ANKRD17: variants seen among roughly 807,000 people sequenced by gnomAD.
ANKRD17 encodes ankyrin repeat domain 17.
A neutral mutation model predicts 229.7 loss-of-function variants in ANKRD17; 19 were observed. That is an observed-to-expected ratio of 0.08 (90% CI 0.06 to 0.12). The LOEUF is 0.12. ANKRD17 is among the 10% of genes least tolerant of loss of function. The pLI is 1.00. For missense variants in ANKRD17, 2,176 were observed against 3,176.8 expected (o/e 0.68, Z 7.57); for synonymous variants, 1,112 against 1,146.1 (o/e 0.97, Z 0.60).
At chr4:73,227,127 A>G (rs1169713338) in intron 1 of ANKRD17, among the ~76,000 whole-genome samples, 4 of 152,112 alleles carry the variant, frequency 2.6e-5, no homozygotes, top group African/African-American at 9.7e-5. Context: ...AAAACCTGTC[A>G]TCCTAAAAAC....
chr4:73,182,712 G>A lies in ANKRD17; in HGVS notation c.394-5179C>T, dbSNP rs370493134. Among the ~76,000 whole-genome samples the A allele has an allele frequency of 2.8e-4, 42 of 152,242 alleles. 2 individuals carry two copies. The South Asian group carries it at 8.1e-3, about 29-fold the overall frequency. On this transcript the variant is annotated intron_variant, in intron 1 of 33. Coordinates refer to ENST00000358602, the MANE Select transcript of ANKRD17 (RefSeq NM_032217.5). ...AAACAATAATCTACTAGAACTTTTAGACGTGTAAATAACTTCCAGTACATG... is the reference window on the plus strand; with the variant it reads ...AAACAATAATCTACTAGAACTTTTAAACGTGTAAATAACTTCCAGTACATG...
intron 27 of ANKRD17, among the ~76,000 whole-genome samples, chr4:73,095,098 C>A (rs767156242): frequency 6.6e-6 from 1 of 150,896 alleles, no homozygotes; most frequent in East Asian, 2.0e-4. Context: ...CACTTGAATC[C>A]GGGAGATGGA....
At chr4:73,084,592 G>A (rs911165699) in intron 30 of ANKRD17, among the ~76,000 whole-genome samples, 2 of 151,916 alleles carry the variant, frequency 1.3e-5, no homozygotes, top group African/African-American at 4.8e-5. Context: ...GGGATCACAG[G>A]TGCACACCAC....
In ANKRD17 at chr4:73,091,688, C is replaced by A. The variant is rs1264503853; in HGVS notation, c.5940G>T (p.Val1980=). 3 of 1,614,046 alleles carry A rather than the reference C, an allele frequency of 1.9e-6. No homozygotes were observed. Among genetic ancestry groups the A allele is most frequent in the East Asian group, 4.5e-5 (2 of 44,898 alleles). Residue 1980 remains valine (V), a synonymous_variant, in exon 29 of 34, where the codon GTG becomes GTT. Coordinates refer to ENST00000358602, the MANE Select transcript of ANKRD17 (RefSeq NM_032217.5). ...TTTTSSSAST[V]PGTSTNGSPS... ...GACTGCCATTTGTAGATGTACCAGG[C>A]ACCGTTGAAGCTGATGAACTGGTTG...
chr4:73,137,294 T>C (rs963568901), intron 15 of ANKRD17, among the ~76,000 whole-genome samples: 4 of 152,142 alleles, frequency 2.6e-5, no homozygotes, highest in African/African-American at 7.2e-5. Context: ...CTTGAAATGA[T>C]AGCAAAGGCA....
chr4:73,204,169 A>G (rs949502181), intron 1 of ANKRD17, among the ~76,000 whole-genome samples: 4 of 151,950 alleles, frequency 2.6e-5, no homozygotes, highest in Non-Finnish European at 5.9e-5. Flanking sequence ...CCATCCTGGT[A>G]ACACAGTGAA....
intron 1 of ANKRD17, among the ~76,000 whole-genome samples, chr4:73,222,151 G>GA (rs1268792333): frequency 6.6e-6 from 1 of 151,932 alleles, no homozygotes; most frequent in East Asian, 1.9e-4. Flanking sequence ...GGAAAAAAAA[G>GA]AAAAACCCTA....
At chr4:73,141,306 G>C (rs558405314) in intron 14 of ANKRD17, among the ~76,000 whole-genome samples, 16 of 152,300 alleles carry the variant, frequency 1.1e-4, no homozygotes, top group African/African-American at 3.6e-4. Flanking sequence ...TATTGGTTGA[G>C]AAAAGGTATC....
chr4:73,248,633 C>T lies in ANKRD17; in HGVS notation c.393+9643G>A, dbSNP rs77074711. On this transcript the variant is annotated intron_variant, in intron 1 of 33. Transcript: ENST00000358602. ...CATAGCTAATAAGATTAGATAATAGCTAATAATCACGTGGAAAACTGAATT... is the reference window on the plus strand; with the variant it reads ...CATAGCTAATAAGATTAGATAATAGTTAATAATCACGTGGAAAACTGAATT... 1.7e-3 allele frequency among the ~76,000 whole-genome samples: 261 copies of T among 151,884 alleles called. 1 individual carries two copies. The highest frequency in any genetic ancestry group is 6.0e-3 in the African/African-American group (249 of 41,466).
At chr4:73,237,993 C>T (rs1203732727) in intron 1 of ANKRD17, among the ~76,000 whole-genome samples, 2 of 150,308 alleles carry the variant, frequency 1.3e-5, no homozygotes, top group Non-Finnish European at 3.0e-5. Flanking sequence ...CCAAAATGTA[C>T]AATTAGAACT....
Position 73,077,114 on chromosome 4 carries a change from G to A in ANKRD17, c.7588-10C>T. 2 of 1,552,160 alleles carry A rather than the reference G, an allele frequency of 1.3e-6. No individual in the cohort carries two copies. Among genetic ancestry groups the A allele is most frequent in the Non-Finnish European group, 1.7e-6 (2 of 1,151,224 alleles). Reference sequence around the variant, plus strand: ...CAGAAAAAGGCATACCCTTAAAAAAGGAAAACACACACATTAACATCCAAG... The same window carrying A: ...CAGAAAAAGGCATACCCTTAAAAAAAGAAAACACACACATTAACATCCAAG... On this transcript the variant is annotated splice_polypyrimidine_tract_variant and intron_variant, in intron 32 of 33. Coordinates refer to ENST00000358602, the MANE Select transcript of ANKRD17 (RefSeq NM_032217.5).
At chr4:73,146,930 G>A in intron 9 of ANKRD17, 57 bp from the exon 10 acceptor site, 2 of 1,415,842 alleles carry the variant, frequency 1.4e-6, no homozygotes, top group East Asian at 2.3e-5. Flanking sequence ...AGACATATAT[G>A]ACGAAAATAA....
intron 18 of ANKRD17, among the ~76,000 whole-genome samples, chr4:73,122,932 A>C (rs964713041): frequency 6.6e-6 from 1 of 152,056 alleles, no homozygotes; most frequent in Non-Finnish European, 1.5e-5. Flanking sequence ...TCCAATATAC[A>C]ACAAAAATGT....
chr4:73,214,724 C>T (rs1740768833), intron 1 of ANKRD17, among the ~76,000 whole-genome samples: 1 of 151,192 alleles, frequency 6.6e-6, no homozygotes, highest in Non-Finnish European at 1.5e-5. Context: ...CAATCTTAGG[C>T]CAGGTGCAGT....
Position 73,077,532 on chromosome 4 carries a change from G to A in ANKRD17, c.7410C>T (p.Asp2470=). The change falls in exon 32 of 34, where the codon GAC becomes GAT. Residue 2470 remains aspartate (D), a splice_region_variant and synonymous_variant. Coordinates refer to ENST00000358602, the MANE Select transcript of ANKRD17 (RefSeq NM_032217.5). Reference sequence around the variant, plus strand: ...TCCCAGGGTTACACCAGTCTACTTTGTCTGAGGGCAAACAAAGAGGCAAAA... The same window carrying A: ...TCCCAGGGTTACACCAGTCTACTTTATCTGAGGGCAAACAAAGAGGCAAAA... ...WSFEGIGGNQ[D]KVDWCNPGMG... 1 of 1,559,094 alleles carries A rather than the reference G, an allele frequency of 6.4e-7. No homozygotes were observed. The highest frequency in any genetic ancestry group is 2.3e-5 in the East Asian group (1 of 43,332).
rs1048754368 is a variant in ANKRD17 at position 73,152,116 on chromosome 4, A to G, written c.1235-592T>C. Among the ~76,000 whole-genome samples the G allele has an allele frequency of 3.9e-5, 6 of 152,278 alleles. No individual in the cohort carries two copies. The South Asian group carries it at 8.3e-4, about 21-fold the overall frequency. ...CATATGCTTCAGTTCATTTAAAGAT[A>G]CAAGTGGTTAAAAAGCAGACGACAA... On this transcript the variant is annotated intron_variant, in intron 6 of 33. Coordinates refer to ENST00000358602, the MANE Select transcript of ANKRD17 (RefSeq NM_032217.5).
chr4:73,118,574 T>A, intron 22 of ANKRD17, 114 bp downstream of exon 22: 1 of 1,152,714 alleles, frequency 8.7e-7, no homozygotes, highest in Non-Finnish European at 1.2e-6. Context: ...TTGCATATTA[T>A]TGCTTTCATC....
chr4:73,174,564 T>TACTGC (rs1261359177), intron 2 of ANKRD17, among the ~76,000 whole-genome samples: 1 of 152,118 alleles, frequency 6.6e-6, no homozygotes, highest in Admixed American at 6.5e-5. Context: ...TTCAACACAG[T>TACTGC]ACTGCAAGTC....
intron 1 of ANKRD17, among the ~76,000 whole-genome samples, chr4:73,207,658 C>T (rs1266925094): frequency 6.6e-6 from 1 of 152,102 alleles, no homozygotes. Context: ...AGCAAAACAA[C>T]AAATATTAAC....
Sources: allele counts gnomAD v4.1 joint callset (sites outside exome capture counted in the v4.1 genomes callset), GRCh38; gene constraint gnomAD v4.1.1; transcripts MANE v1.5; gene names NCBI Gene and HGNC (gene_info 2026-07-23, HGNC 2026-07-21).